The following NOXRED1 variants were observed in gnomAD, a reference collection of about 807,000 sequenced individuals.
The protein encoded by NOXRED1 is NADP dependent oxidoreductase domain containing 1.
Under a neutral mutation model 30.4 loss-of-function variants are expected in NOXRED1, and 20 were observed. That is an observed-to-expected ratio of 0.66 (90% CI 0.46 to 0.96). NOXRED1 has a LOEUF of 0.96. Ranked by LOEUF, NOXRED1 falls within the 40% of genes least tolerant of loss-of-function variation. NOXRED1 has a pLI of 0.00. For synonymous variants in NOXRED1, 155 were observed against 168.0 expected, an observed-to-expected ratio of 0.92 and a Z score of 0.60; for missense variants, 374 against 428.0, an observed-to-expected ratio of 0.87 and a Z score of 1.11.
chr14:77,400,116 G>C (rs1356813098), intron 5 of NOXRED1, among the ~76,000 whole-genome samples: 1 of 152,128 alleles, frequency 6.6e-6, no homozygotes, highest in Non-Finnish European at 1.5e-5. Context: ...TCTGTGCAAA[G>C]TTATCCTTCT....
chr14:77,407,442 C>G, intron 3 of NOXRED1, 23 bp downstream of exon 3: 1 of 1,582,008 alleles, frequency 6.3e-7, no homozygotes, highest in African/African-American at 1.3e-5. Context: ...TGTGCCAGTT[C>G]CATTCTCACC....
At chr14:77,395,826 A>C (rs1030146771) in intron 5 of NOXRED1, among the ~76,000 whole-genome samples, 1 of 152,166 alleles carries the variant, frequency 6.6e-6, no homozygotes, top group Non-Finnish European at 1.5e-5. Flanking sequence ...AGGAAAGTTA[A>C]TATGCAAATG....
At chr14:77,415,978 G>C (rs1180619140) in intron 1 of NOXRED1, among the ~76,000 whole-genome samples, 3 of 152,010 alleles carry the variant, frequency 2.0e-5, no homozygotes, top group Non-Finnish European at 4.4e-5. Context: ...GCCTCCCAAA[G>C]TGCTGGGATT....
chr14:77,425,713 G>A (rs184605367), upstream of NOXRED1, among the ~76,000 whole-genome samples: 287 of 152,352 alleles, frequency 1.9e-3, no homozygotes, highest in Non-Finnish European at 3.4e-3. Context: ...ATTGTAGGGC[G>A]TTTAGCAGCG....
chr14:77,396,942 A>G (rs920907180), intron 5 of NOXRED1, among the ~76,000 whole-genome samples: 1 of 152,224 alleles, frequency 6.6e-6, no homozygotes, highest in Non-Finnish European at 1.5e-5. Flanking sequence ...TGGATTATAC[A>G]TTGCTAGTGA....
rs1330768518 is a variant in NOXRED1, at chr14:77,400,655, A to T, written c.905+5258T>A. Among the ~76,000 whole-genome samples the T allele has an allele frequency of 2.0e-5, 3 of 152,136 alleles. No individual in the cohort carries two copies. The East Asian group carries it at 5.8e-4, about 29-fold the overall frequency. ...TTGATGAGCCTTTCACTGAATACAC[A>T]ATTTACAGGAATAGTCTCTTATGAC... On this transcript the variant is annotated intron_variant, in intron 5 of 5. Coordinates refer to ENST00000380835, the MANE Select transcript of NOXRED1 (RefSeq NM_001113475.3).
intron 1 of NOXRED1, among the ~76,000 whole-genome samples, chr14:77,420,405 G>T (rs537421936): frequency 6.6e-6 from 1 of 151,528 alleles, no homozygotes; most frequent in East Asian, 1.9e-4. Context: ...CAGAGACAGG[G>T]TCTCACTATG....
upstream of NOXRED1, among the ~76,000 whole-genome samples, chr14:77,424,757 G>A (rs1251616808): frequency 6.6e-6 from 1 of 152,140 alleles, no homozygotes; most frequent in Non-Finnish European, 1.5e-5. Context: ...ATGTCACCTT[G>A]GCTAGGCTGA....
intron 1 of NOXRED1, among the ~76,000 whole-genome samples, chr14:77,415,494 C>T (rs1009706604): frequency 1.8e-4 from 28 of 151,896 alleles, no homozygotes; most frequent in Admixed American, 3.9e-4. Context: ...CTCTTGAACC[C>T]GGGAGGTGGA....
Position 77,422,993 on chromosome 14 carries a change from G to T in NOXRED1, c.-104C>A. 3 of 926,532 alleles carry T rather than the reference G, an allele frequency of 3.2e-6. No homozygotes were observed. The highest frequency in any genetic ancestry group is 5.0e-6 in the Non-Finnish European group (3 of 600,434). 57.4% of individuals were successfully genotyped at this position (926,532 alleles called of 1,614,324 possible). ...GAGGTGTGTGTATGATGGTGTGTGT[G>T]CCCAGGTCACAAGCACTCATGATGA... is the stretch of plus-strand genomic sequence containing the variant. On this transcript the variant is annotated 5_prime_UTR_variant, in exon 1 of 6. Transcript: ENST00000380835.
At position 77,406,857 on chromosome 14, in the gene NOXRED1, G is replaced by A. The variant is rs766358132; in HGVS notation, c.549C>T (p.Asn183=). Residue 183 remains asparagine, a synonymous_variant, in exon 4 of 6, where the codon AAC becomes AAT. Transcript: ENST00000380835. ...IPLPRLKLLL[N]HTNILRPQYQ... Reference sequence around the variant, plus strand: ...ACTGAGGCCGCAAGATATTGGTGTGGTTCAACAGTAGTTTCAGCCTGGAAG... The same window carrying A: ...ACTGAGGCCGCAAGATATTGGTGTGATTCAACAGTAGTTTCAGCCTGGAAG... The A allele has an allele frequency of 1.9e-6, 3 of 1,613,940 alleles. No individual in the cohort carries two copies. Among genetic ancestry groups the A allele is most frequent in the Non-Finnish European group, 2.5e-6 (3 of 1,179,934 alleles).
chr14:77,420,677 A>T (rs1261158718), intron 1 of NOXRED1, among the ~76,000 whole-genome samples: 2 of 152,020 alleles, frequency 1.3e-5, no homozygotes, highest in African/African-American at 2.4e-5. Flanking sequence ...TTTCTGCAGT[A>T]GTTTGTTCTT....
At chr14:77,394,858 T>G (rs1894140473) in intron 5 of NOXRED1, 53 bp from the exon 6 acceptor site, 2 of 1,357,822 alleles carry the variant, frequency 1.5e-6, no homozygotes, top group Non-Finnish European at 2.1e-6. Flanking sequence ...TATATCTGAT[T>G]TGGCTGTTAA....
Position 77,394,425 on chromosome 14 carries a change from G to T in NOXRED1, c.*206C>A. On this transcript the variant is annotated 3_prime_UTR_variant, in exon 6 of 6. Coordinates refer to ENST00000380835, the MANE Select transcript of NOXRED1 (RefSeq NM_001113475.3). ...TTGTGTAGTTTCACTAGTTGCTTCT[G>T]AGAGCCAGATACATATTGATGGATA... is the stretch of plus-strand genomic sequence containing the variant. The T allele has an allele frequency of 2.6e-6, 1 of 388,778 alleles. No individual in the cohort carries two copies. 24.1% of individuals were successfully genotyped at this position (388,778 alleles called of 1,614,324 possible).
At chr14:77,411,597 A>T (rs116628165) in intron 2 of NOXRED1, among the ~76,000 whole-genome samples, 98 of 152,318 alleles carry the variant, frequency 6.4e-4, no homozygotes, top group African/African-American at 2.3e-3. Context: ...AATGCACACT[A>T]ATCTATGGTG....
chr14:77,417,098 C>T (rs1486616997), intron 1 of NOXRED1, among the ~76,000 whole-genome samples: 1 of 148,566 alleles, frequency 6.7e-6, no homozygotes, highest in Non-Finnish European at 1.5e-5. Flanking sequence ...TGTGAACTTT[C>T]TAGTTTTTCT....
intron 5 of NOXRED1, among the ~76,000 whole-genome samples, chr14:77,401,421 T>C (rs1594869686): frequency 6.6e-6 from 1 of 150,568 alleles, no homozygotes; most frequent in South Asian, 2.1e-4. Flanking sequence ...ACAGGCTGGG[T>C]GTGACGGCTC....
intron 5 of NOXRED1, 140 bp from the exon 6 acceptor site, chr14:77,394,945 A>G (rs931379526): frequency 1.7e-6 from 1 of 586,960 alleles, no homozygotes; most frequent in Non-Finnish European, 3.0e-6. Flanking sequence ...TAAACTAGAA[A>G]TTCAGCTAGA....
At chr14:77,407,720 G>A in intron 2 of NOXRED1, 75 bp from the exon 3 acceptor site, 1 of 994,116 alleles carries the variant, frequency 1.0e-6, no homozygotes, top group Non-Finnish European at 1.6e-6. Context: ...TGGGGAGAGG[G>A]TGATCATTAT....
Sources: allele counts gnomAD v4.1 joint callset (sites outside exome capture counted in the v4.1 genomes callset), GRCh38; gene constraint gnomAD v4.1.1; transcripts MANE v1.5; gene names NCBI Gene and HGNC (gene_info 2026-07-23, HGNC 2026-07-21).